Variants in PDK3 observed in about 807,000 individuals in gnomAD.
PDK3 encodes pyruvate dehydrogenase kinase, isozyme 3.
A neutral mutation model predicts 32.0 loss-of-function variants in PDK3; 12 were observed. The observed-to-expected ratio is 0.37, with a 90% CI of 0.24 to 0.61. The LOEUF is 0.61. Among genes scored for constraint, PDK3 ranks in the 20% least tolerant of loss-of-function variants. The pLI, the probability that PDK3 is intolerant of heterozygous loss-of-function variation, is 0.65. For missense variants in PDK3, 188 were observed against 316.9 expected, an observed-to-expected ratio of 0.59 and a Z score of 3.09; for synonymous variants, 122 against 116.3, an observed-to-expected ratio of 1.05 and a Z score of -0.31.
At chrX:24,518,263 A>C (rs1197416322) in intron 5 of PDK3, among the ~76,000 whole-genome samples, 1 of 111,492 alleles carries the variant, frequency 9.0e-6, no homozygotes, top group Non-Finnish European at 1.9e-5. Context: ...AGGGTGGATC[A>C]CCTGAGGTCA....
intron 5 of PDK3, among the ~76,000 whole-genome samples, chrX:24,505,771 G>A (rs1305182336): frequency 3.6e-5 from 4 of 111,676 alleles, no homozygotes; most frequent in Non-Finnish European, 5.6e-5. Flanking sequence ...AGTATCCTCC[G>A]GGAAGAACCA....
At chrX:24,534,728 C>G (rs940690726), downstream of PDK3, among the ~76,000 whole-genome samples, 4 of 112,374 alleles carry the variant, frequency 3.6e-5, no homozygotes, top group Admixed American at 9.4e-5. Flanking sequence ...GCTGGATGAT[C>G]TCTTGAAGCC....
At chrX:24,539,245 G>T, downstream of PDK3, 1 of 631,529 alleles carries the variant, frequency 1.6e-6, no homozygotes, top group South Asian at 2.7e-5. Context: ...TCTCCCACCT[G>T]CTCTGAGCGT....
At chrX:24,523,356 G>T (rs776395005) in intron 6 of PDK3, among the ~76,000 whole-genome samples, 2 of 112,487 alleles carry the variant, frequency 1.8e-5, no homozygotes, top group South Asian at 3.7e-4. Flanking sequence ...CAAACATTCC[G>T]TCCATAAGAG....
At chrX:24,546,812 G>A (rs1190489789) in exon 12 of PDK3, 1 of 112,171 alleles carries the variant, frequency 8.9e-6, no homozygotes, top group African/African-American at 3.2e-5. Flanking sequence ...GGGCCAATTT[G>A]TCACCCTTTA....
At chrX:24,472,681 T>C (rs1285003226) in intron 1 of PDK3, among the ~76,000 whole-genome samples, 2 of 86,850 alleles carry the variant, frequency 2.3e-5, no homozygotes, top group East Asian at 6.9e-4. Flanking sequence ...CTTTCTTTTT[T>C]TTTTTTTTTT....
At chrX:24,548,749 C>A (rs889961540) in exon 12 of PDK3, 1 of 112,141 alleles carries the variant, frequency 8.9e-6, no homozygotes, top group East Asian at 2.8e-4. Context: ...GAAATCTTAA[C>A]ATCCAATTCT....
chrX:24,498,906 T>C lies in PDK3; in HGVS notation c.320+6T>C, dbSNP rs748960946. The C allele has an allele frequency of 3.5e-5, 37 of 1,057,127 alleles. No individual in the cohort carries two copies. Among genetic ancestry groups the C allele is most frequent in the Non-Finnish European group, 4.6e-5 (36 of 782,754 alleles). 87.1% of individuals were successfully genotyped at this position (1,057,127 alleles called of 1,213,427 possible). On this transcript the variant is annotated splice_donor_region_variant and intron_variant, in intron 3 of 10. Coordinates refer to ENST00000379162, the MANE Select transcript of PDK3 (RefSeq NM_005391.5). ...GATCCACAGGTCTTGGATAAGTAAG[T>C]ATGGTACCACTTAGCTGAAAGTAAA...
At chrX:24,469,021 G>C (rs1478042566) in intron 1 of PDK3, among the ~76,000 whole-genome samples, 1 of 111,600 alleles carries the variant, frequency 9.0e-6, no homozygotes, top group Non-Finnish European at 1.9e-5. Flanking sequence ...TAATACCTTA[G>C]AGACAGATTT....
chrX:24,515,739 G>T (rs1228549324), intron 5 of PDK3, among the ~76,000 whole-genome samples: 1 of 111,968 alleles, frequency 8.9e-6, no homozygotes, highest in Non-Finnish European at 1.9e-5. Context: ...ACAGATATTT[G>T]ATAAGGTTTA....
chrX:24,467,595 T>TTA (rs1280095761), intron 1 of PDK3, among the ~76,000 whole-genome samples: 1 of 112,470 alleles, frequency 8.9e-6, no homozygotes, highest in African/African-American at 3.2e-5. Context: ...AGCCTATCTT[T>TTA]AATGACAGGA....
exon 12 of PDK3, among the ~76,000 whole-genome samples, chrX:24,541,090 T>G (rs1922885774): frequency 9.4e-6 from 1 of 106,278 alleles, no homozygotes; most frequent in East Asian, 2.9e-4. Flanking sequence ...TTGTATTTTT[T>G]TGTAGAGACG....
intron 9 of PDK3, among the ~76,000 whole-genome samples, chrX:24,530,249 C>T (rs774143015): frequency 1.6e-4 from 18 of 111,378 alleles, no homozygotes; most frequent in African/African-American, 5.2e-4. Context: ...TAATGGGGTA[C>T]GTTCTTTTAC....
At chrX:24,470,121 G>T (rs958940974) in intron 1 of PDK3, among the ~76,000 whole-genome samples, 5 of 112,057 alleles carry the variant, frequency 4.5e-5, no homozygotes, top group Non-Finnish European at 1.9e-5. Context: ...TGTATGTGTG[G>T]TCTGTTAGAT....
At chrX:24,500,705 G>A (rs1311837212) in intron 3 of PDK3, among the ~76,000 whole-genome samples, 3 of 112,177 alleles carry the variant, frequency 2.7e-5, no homozygotes, top group Admixed American at 9.5e-5. Flanking sequence ...GAGTATCATG[G>A]TAGCAGCCTT....
downstream of PDK3, chrX:24,539,216 CA>C: frequency 1.2e-6 from 1 of 857,682 alleles, no homozygotes; most frequent in Non-Finnish European, 1.7e-6. Context: ...TTCTGCAAGT[CA>C]AACAGAGAGA....
intron 5 of PDK3, among the ~76,000 whole-genome samples, chrX:24,512,760 C>T (rs1340770849): frequency 1.8e-5 from 2 of 109,310 alleles, no homozygotes; most frequent in South Asian, 8.0e-4. Context: ...GAGACTCCAT[C>T]AGAAAAAAAA....
exon 12 of PDK3, chrX:24,545,966 C>T (rs1425728986): frequency 8.9e-6 from 1 of 112,131 alleles, no homozygotes; most frequent in East Asian, 2.8e-4. Flanking sequence ...CAGATCTTCT[C>T]AATGTTGTTT....
chrX:24,524,940 T>G (rs1407978124), intron 6 of PDK3, among the ~76,000 whole-genome samples: 1 of 111,954 alleles, frequency 8.9e-6, no homozygotes, highest in African/African-American at 3.2e-5. Flanking sequence ...GGCAAACACC[T>G]GAGGTCGGGA....
Sources: gnomAD v4.1 joint callset for allele counts (sites outside exome capture counted in the v4.1 genomes callset) on GRCh38, gnomAD v4.1.1 for gene constraint, MANE v1.5 for transcripts, NCBI Gene and HGNC (gene_info 2026-07-23, HGNC 2026-07-21) for gene names.